Variants in AKAP6 observed in about 807,000 individuals in gnomAD.
AKAP6 encodes the protein A-kinase anchoring protein 6.
In AKAP6, 58 loss-of-function variants were observed where a neutral mutation model predicts 188.5. The ratio of observed to expected loss-of-function variants is 0.31; its 90% CI spans 0.25 to 0.38. AKAP6 has a LOEUF of 0.38. Among genes scored for constraint, AKAP6 ranks in the 10% least tolerant of loss-of-function variants. The probability of loss-of-function intolerance (pLI) is 1.00; values close to 1 mark genes in which losing one functional copy is unlikely to be tolerated. For synonymous variants in AKAP6, 989 were observed against 998.6 expected (o/e 0.99, Z 0.18); for missense variants, 2,710 against 2,740.0 (o/e 0.99, Z 0.24).
intron 12 of AKAP6, among the ~76,000 whole-genome samples, chr14:32,797,060 A>C (rs1230559124): frequency 6.6e-6 from 1 of 152,230 alleles, no homozygotes; most frequent in Non-Finnish European, 1.5e-5. Flanking sequence ...GAGAAATGCA[A>C]ATCAAAACCA....
At chr14:32,340,098 T>C (rs1463866798) in intron 1 of AKAP6, among the ~76,000 whole-genome samples, 3 of 151,970 alleles carry the variant, frequency 2.0e-5, no homozygotes, top group Non-Finnish European at 2.9e-5. Flanking sequence ...GAGAAGGCAG[T>C]GTTCTGGTTA....
intron 2 of AKAP6, among the ~76,000 whole-genome samples, chr14:32,450,969 C>T (rs11622937): frequency 0.21 from 31,799 of 151,950 alleles, 4,307 homozygotes; most frequent in Middle Eastern, 0.33. Context: ...AATAACAAAA[C>T]GAGGAAAGTG....
At position 32,344,165 on chromosome 14, in the gene AKAP6, C is replaced by A. The variant is rs193151394; in HGVS notation, c.-35+14757C>A. Among the ~76,000 whole-genome samples the A allele has an allele frequency of 2.7e-4, 41 of 152,330 alleles. No individual in the cohort carries two copies. In the East Asian group the frequency reaches 6.2e-3, roughly 23 times the overall value. On this transcript the variant is annotated intron_variant, in intron 1 of 13. Transcript: ENST00000280979. ...GGATGTCTAGAAGCTCTTTCTGGAG[C>A]CTGCCATCAGGCATTGCCCAAGGCC...
intron 2 of AKAP6, among the ~76,000 whole-genome samples, chr14:32,501,434 C>G (rs1880603865): frequency 6.6e-6 from 1 of 152,072 alleles, no homozygotes. Context: ...CATAAAATAT[C>G]TCAAAGGAAG....
chr14:32,370,670 A>G (rs1887977144), intron 1 of AKAP6, among the ~76,000 whole-genome samples: 1 of 152,206 alleles, frequency 6.6e-6, no homozygotes, highest in African/African-American at 2.4e-5. Flanking sequence ...CTTTTACTAC[A>G]CTGTAAACAA....
chr14:32,521,028 G>A (rs1210140222), intron 2 of AKAP6, among the ~76,000 whole-genome samples: 6 of 152,130 alleles, frequency 3.9e-5, no homozygotes, highest in Non-Finnish European at 5.9e-5. Context: ...ATGCAAGGCT[G>A]GTTCACCATA....
intron 1 of AKAP6, among the ~76,000 whole-genome samples, chr14:32,385,792 A>G (rs573232687): frequency 1.3e-5 from 2 of 151,212 alleles, no homozygotes; most frequent in East Asian, 3.9e-4. Context: ...AGATATATGT[A>G]TATCATATAT....
At chr14:32,460,594 G>A (rs867151520) in intron 2 of AKAP6, among the ~76,000 whole-genome samples, 5 of 152,290 alleles carry the variant, frequency 3.3e-5, no homozygotes, top group Admixed American at 6.5e-5. Flanking sequence ...AGATTCCCTC[G>A]AGTGCCCACA....
At chr14:32,350,387 G>A (rs1390920733) in intron 1 of AKAP6, among the ~76,000 whole-genome samples, 1 of 152,064 alleles carries the variant, frequency 6.6e-6, no homozygotes, top group African/African-American at 2.4e-5. Context: ...CGAGACTGGG[G>A]ACATTCTAGG....
rs187024264 is a variant in AKAP6, at chr14:32,537,066, T to C, written c.576+1261T>C. ...TTCATTAATTTATTGACATTAATGT[T>C]TCAGTGGCTCCAACATTATCAACAA... On this transcript the variant is annotated intron_variant, in intron 3 of 13. Coordinates refer to ENST00000280979, the MANE Select transcript of AKAP6 (RefSeq NM_004274.5). Among the ~76,000 whole-genome samples the C allele has an allele frequency of 2.0e-4, 31 of 152,348 alleles. No individual in the cohort carries two copies. In the East Asian group the frequency reaches 4.6e-3, roughly 23 times the overall value.
chr14:32,496,947 A>G (rs1485683372), intron 2 of AKAP6, among the ~76,000 whole-genome samples: 2 of 152,152 alleles, frequency 1.3e-5, no homozygotes, highest in Non-Finnish European at 2.9e-5. Flanking sequence ...TGCATGTGTT[A>G]TGTCCTTCTT....
chr14:32,538,508 A>G (rs772928515), intron 3 of AKAP6, among the ~76,000 whole-genome samples: 1 of 152,090 alleles, frequency 6.6e-6, no homozygotes, highest in African/African-American at 2.4e-5. Context: ...TGAAAAAACA[A>G]TATATGAACT....
At chr14:32,800,129 C>A (rs1283511826) in intron 12 of AKAP6, among the ~76,000 whole-genome samples, 2 of 140,542 alleles carry the variant, frequency 1.4e-5, no homozygotes, top group African/African-American at 5.5e-5. Flanking sequence ...TATATATACA[C>A]ACATATATAT....
intron 1 of AKAP6, among the ~76,000 whole-genome samples, chr14:32,400,563 C>CAAAAAAGA (rs759383223): frequency 2.8e-4 from 21 of 73,984 alleles, no homozygotes; most frequent in South Asian, 1.5e-3. Flanking sequence ...CCACTTTTAG[C>CAAAAAAGA]AAAAAAAAAA....
At chr14:32,409,701 C>T (rs1232022089) in intron 1 of AKAP6, among the ~76,000 whole-genome samples, 1 of 152,120 alleles carries the variant, frequency 6.6e-6, no homozygotes, top group Non-Finnish European at 1.5e-5. Context: ...GATTTTCTTC[C>T]TCTTCTAATT....
intron 9 of AKAP6, among the ~76,000 whole-genome samples, chr14:32,728,901 C>T (rs1464356447): frequency 6.6e-6 from 1 of 152,110 alleles, no homozygotes; most frequent in Admixed American, 6.6e-5. Flanking sequence ...ATAATATAGC[C>T]CTCAAGTTTT....
At chr14:32,341,574 C>G (rs1342625186) in intron 1 of AKAP6, among the ~76,000 whole-genome samples, 4 of 152,190 alleles carry the variant, frequency 2.6e-5, no homozygotes. Context: ...GGATTGAATT[C>G]TGCTTCTATA....
At chr14:32,462,156 T>A (rs1891349848) in intron 2 of AKAP6, among the ~76,000 whole-genome samples, 1 of 152,092 alleles carries the variant, frequency 6.6e-6, no homozygotes, top group East Asian at 1.9e-4. Flanking sequence ...AAAACACACT[T>A]CAGGATATTA....
chr14:32,808,271 A>T (rs1359680935), intron 12 of AKAP6, among the ~76,000 whole-genome samples: 1 of 152,220 alleles, frequency 6.6e-6, no homozygotes, highest in Non-Finnish European at 1.5e-5. Context: ...ACATGCAGGG[A>T]TGAAGAGAGA....
Sources: allele counts gnomAD v4.1 joint callset (sites outside exome capture counted in the v4.1 genomes callset), GRCh38; gene constraint gnomAD v4.1.1; transcripts MANE v1.5; gene names NCBI Gene and HGNC (gene_info 2026-07-23, HGNC 2026-07-21).